TBRG4: variants seen among roughly 807,000 people sequenced by gnomAD.
TBRG4 encodes FAST kinase domain-containing protein 4.
A neutral mutation model predicts 65.6 loss-of-function variants in TBRG4; 43 were observed. The observed-to-expected ratio is 0.66, with a 90% CI of 0.51 to 0.85. The LOEUF (loss-of-function observed/expected upper bound fraction) is 0.85. TBRG4 is among the 40% of genes least tolerant of loss of function. The probability of loss-of-function intolerance (pLI) is 0.00; values close to 1 mark genes in which losing one functional copy is unlikely to be tolerated. For synonymous variants in TBRG4, 366 were observed against 341.4 expected, an observed-to-expected ratio of 1.07 and a Z score of -0.79; for missense variants, 709 against 787.9, an observed-to-expected ratio of 0.90 and a Z score of 1.20.
chr7:45,101,182 G>T (rs1046879608), intron 10 of TBRG4, 76 bp downstream of exon 10: 52 of 1,459,890 alleles, frequency 3.6e-5, no homozygotes, highest in Middle Eastern at 3.6e-4. Flanking sequence ...TGCTGGCTCA[G>T]TTCCACCTGA....
rs201556853 is a variant in TBRG4, at chr7:45,104,678, T to A, written c.767A>T (p.Asn256Ile). Reference sequence around the variant, plus strand: ...CATCACCAGCACCTTCCGCAGCTCATTGGGGCCAAAGTGCTCCACCAACTC... The same window carrying A: ...CATCACCAGCACCTTCCGCAGCTCAATGGGGCCAAAGTGCTCCACCAACTC... ...CLELVEHFGPNELRKVLVMLA... is the reference protein window; with the variant it reads ...CLELVEHFGPIELRKVLVMLA... The change falls in exon 4 of 11, where the codon AAT (asparagine) becomes ATT (isoleucine). Residue 256 changes from asparagine (N) to isoleucine (I), a missense_variant. Coordinates refer to ENST00000258770, the MANE Select transcript of TBRG4 (RefSeq NM_004749.4). The A allele has an allele frequency of 4.3e-6, 7 of 1,613,810 alleles. No individual in the cohort carries two copies. The highest frequency in any genetic ancestry group is 5.1e-6 in the Non-Finnish European group (6 of 1,180,032).
In TBRG4 at chr7:45,111,686, C is replaced by A; in HGVS notation, c.-94G>T. 1 of 1,289,406 alleles carries A rather than the reference C, an allele frequency of 7.8e-7. No homozygotes were observed. Among genetic ancestry groups the A allele is most frequent in the Non-Finnish European group, 1.0e-6 (1 of 988,860 alleles). 79.9% of individuals were successfully genotyped at this position (1,289,406 alleles called of 1,614,324 possible). Reference sequence around the variant, plus strand: ...GACCTCCATCCGCCGCCCTAACTGTCCCCGGAACCATGAGGTGCGCGGCGC... The same window carrying A: ...GACCTCCATCCGCCGCCCTAACTGTACCCGGAACCATGAGGTGCGCGGCGC... On this transcript the variant is annotated 5_prime_UTR_variant, in exon 1 of 11. Transcript: ENST00000258770.
At chr7:45,102,735 T>A in intron 6 of TBRG4, 1 of 535,946 alleles carries the variant, frequency 1.9e-6, no homozygotes, top group Non-Finnish European at 3.3e-6. Context: ...TGCTGCTGAA[T>A]GCTGGCATTT....
At chr7:45,103,223 G>A in intron 6 of TBRG4, 110 bp downstream of exon 6, 1 of 829,986 alleles carries the variant, frequency 1.2e-6, no homozygotes. Context: ...GCCACACATA[G>A]TGGCCCCTCC....
chr7:45,105,455 G>T lies in TBRG4; in HGVS notation c.721C>A (p.Arg241Ser). Residue 241 changes from arginine to serine, a missense_variant, in exon 3 of 11, where the codon CGC becomes AGC. Transcript: ENST00000258770. ...VGHLSEPLMN[R>S]LEDKCLELVE... is the part of the protein sequence containing the mutation. ...AGGCCCAGTACCTTGTCTTCCAGGC[G>T]GTTCATTAGTGGCTCCGAGAGGTGT... 1 of 1,603,024 alleles carries T rather than the reference G, an allele frequency of 6.2e-7. No individual in the cohort carries two copies. Among genetic ancestry groups the T allele is most frequent in the African/African-American group, 1.3e-5 (1 of 74,866 alleles).
At chr7:45,111,450 G>T in intron 1 of TBRG4, 193 bp downstream of exon 1, 1 of 523,532 alleles carries the variant, frequency 1.9e-6, no homozygotes, top group Non-Finnish European at 2.9e-6. Context: ...AGGCCTGGCC[G>T]CGCGGGCTAG....
intron 3 of TBRG4, chr7:45,105,004 G>T: frequency 2.7e-6 from 2 of 737,808 alleles, no homozygotes; most frequent in Non-Finnish European, 5.0e-6. Flanking sequence ...GCCAGCCCCC[G>T]CTATGACAGA....
At chr7:45,102,591 G>A in intron 6 of TBRG4, 100 bp from the exon 7 acceptor site, 1 of 1,507,024 alleles carries the variant, frequency 6.6e-7, no homozygotes, top group Non-Finnish European at 8.9e-7. Flanking sequence ...TGGCCTGGTT[G>A]GGATGAGGCC....
chr7:45,108,685 T>C, intron 2 of TBRG4, 142 bp downstream of exon 2: 1 of 670,200 alleles, frequency 1.5e-6, no homozygotes, highest in Admixed American at 3.0e-5. Context: ...ATAAAGCACT[T>C]TGAAATTTAT....
intron 3 of TBRG4, 136 bp from the exon 4 acceptor site, chr7:45,104,845 C>A: frequency 7.5e-7 from 1 of 1,341,332 alleles, no homozygotes. Flanking sequence ...GCTGACTAAA[C>A]ACAGGACCAC....
At chr7:45,105,272 C>T (rs1041692037) in intron 3 of TBRG4, 169 bp downstream of exon 3, 14 of 737,944 alleles carry the variant, frequency 1.9e-5, no homozygotes, top group South Asian at 1.1e-4. Context: ...GTTGCAGCTC[C>T]GAGCCCTCTG....
chr7:45,101,797 C>T (rs1424687712), intron 8 of TBRG4, 28 bp downstream of exon 8: 1 of 1,601,430 alleles, frequency 6.2e-7, no homozygotes, highest in South Asian at 1.1e-5. Context: ...CAATGCCAGG[C>T]CCTGTGCCAA....
chr7:45,111,507 C>A, intron 1 of TBRG4, 136 bp downstream of exon 1: 2 of 1,077,456 alleles, frequency 1.9e-6, no homozygotes, highest in Admixed American at 2.5e-5. Context: ...GAGCAGACGG[C>A]CAGGCCCACG....
intron 6 of TBRG4, chr7:45,102,706 A>G: frequency 1.6e-6 from 1 of 606,826 alleles, no homozygotes; most frequent in East Asian, 2.9e-5. Flanking sequence ...CCCCAAGACC[A>G]CTCTGAACAG....
chr7:45,101,421 C>T (rs750989121), intron 9 of TBRG4, 49 bp from the exon 10 acceptor site: 15 of 1,607,012 alleles, frequency 9.3e-6, no homozygotes, highest in African/African-American at 1.3e-5. Context: ...CCCAGCCCCT[C>T]GGAGGGGAAA....
Position 45,101,311 on chromosome 7 carries a change from G to A in TBRG4, c.1741C>T (p.Arg581Cys), listed in dbSNP as rs1784758043. 1 of 1,613,992 alleles carries A rather than the reference G, an allele frequency of 6.2e-7. No individual in the cohort carries two copies. Among genetic ancestry groups the A allele is most frequent in the Non-Finnish European group, 8.5e-7 (1 of 1,180,018 alleles). ...ATGTGTCGCCGGGCCAGAACAAAGCGACCCAGCAAGTCCTTGCTTCGGCTG... is the reference window on the plus strand; with the variant it reads ...ATGTGTCGCCGGGCCAGAACAAAGCAACCCAGCAAGTCCTTGCTTCGGCTG... ...FNSRSKDLLG[R>C]FVLARRHIVA... The change falls in exon 10 of 11, where the codon CGC becomes TGC. Residue 581 changes from arginine to cysteine, a missense_variant. Arg to Cys is a radical substitution (Grantham distance 180). Coordinates refer to ENST00000258770, the MANE Select transcript of TBRG4 (RefSeq NM_004749.4).
chr7:45,105,011 C>A, intron 3 of TBRG4: 1 of 731,180 alleles, frequency 1.4e-6, no homozygotes. Flanking sequence ...CCCGCTATGA[C>A]AGAAACGGGC....
At chr7:45,104,288 T>C in intron 4 of TBRG4, 32 bp from the exon 5 acceptor site, 2 of 1,612,814 alleles carry the variant, frequency 1.2e-6, no homozygotes, top group Non-Finnish European at 1.7e-6. Flanking sequence ...AGGGTTTAGC[T>C]GGAGAGAGTC....
intron 3 of TBRG4, 31 bp from the exon 4 acceptor site, chr7:45,104,740 C>T (rs763214544): frequency 6.2e-7 from 1 of 1,607,036 alleles, no homozygotes; most frequent in African/African-American, 1.3e-5. Flanking sequence ...GAGGTCAGCT[C>T]AATGGCCTGG....
Sources: gnomAD v4.1 joint callset for allele counts on GRCh38, gnomAD v4.1.1 for gene constraint, MANE v1.5 for transcripts, NCBI Gene and HGNC (gene_info 2026-07-23, HGNC 2026-07-21) for gene names.